The following CDC73 variants were observed in gnomAD, a reference collection of about 807,000 sequenced individuals.
CDC73 encodes the protein parafibromin.
Under a neutral mutation model 83.7 loss-of-function variants are expected in CDC73, and 21 were observed. That is an observed-to-expected ratio of 0.25 (90% CI 0.18 to 0.36). The LOEUF (loss-of-function observed/expected upper bound fraction) is 0.36. Ranked by LOEUF, CDC73 falls within the 10% of genes least tolerant of loss-of-function variation. CDC73 has a pLI of 1.00. For missense variants in CDC73, 342 were observed against 653.3 expected (o/e 0.52, Z 5.19); for synonymous variants, 224 against 212.9 (o/e 1.05, Z -0.45).
intron 10 of CDC73, among the ~76,000 whole-genome samples, chr1:193,174,089 T>C (rs953193916): frequency 2.2e-4 from 33 of 152,082 alleles, no homozygotes; most frequent in Non-Finnish European, 3.5e-4. Flanking sequence ...CTGAATTCTA[T>C]CCACAATTCC....
In CDC73 at chr1:193,252,619, G is replaced by A. The variant is rs769354344; in HGVS notation, c.*1907G>A. On this transcript the variant is annotated 3_prime_UTR_variant, in exon 17 of 17. Coordinates refer to ENST00000367435, the MANE Select transcript of CDC73 (RefSeq NM_024529.5). ...AGGAACATTAGGAAAAGGACAAATA[G>A]GCTATAACCATCTATCTTAAAATCA... 4.3e-6 allele frequency: 1 copy of A among 231,256 alleles called. No individual in the cohort carries two copies. The highest frequency in any genetic ancestry group is 2.2e-5 in the African/African-American group (1 of 45,228). The allele number at this position is 231,256 out of a possible 1,614,324, so 14.3% of individuals were successfully genotyped here.
chr1:193,137,283 A>G (rs1469809020), intron 5 of CDC73, among the ~76,000 whole-genome samples: 3 of 152,246 alleles, frequency 2.0e-5, no homozygotes. Flanking sequence ...TAAGATTTTT[A>G]CATGATAGAT....
intron 13 of CDC73, among the ~76,000 whole-genome samples, chr1:193,219,382 GA>G: frequency 6.6e-6 from 1 of 152,112 alleles, no homozygotes. Context: ...CCAGCAATCT[GA>G]TTACTGGATA....
chr1:193,131,005 C>T (rs1163873027), intron 3 of CDC73, among the ~76,000 whole-genome samples: 1 of 151,864 alleles, frequency 6.6e-6, no homozygotes, highest in Non-Finnish European at 1.5e-5. Flanking sequence ...TTCTTTTAAC[C>T]TGTATTCTCT....
intron 15 of CDC73, among the ~76,000 whole-genome samples, chr1:193,247,382 ATCTCTC>A (rs144859660): frequency 1.3e-5 from 2 of 149,498 alleles, no homozygotes; most frequent in South Asian, 4.2e-4. Flanking sequence ...TTAGTCCCTC[ATCTCTC>A]TCTCTCTCTC....
intron 15 of CDC73, among the ~76,000 whole-genome samples, chr1:193,248,540 G>A (rs1478190813): frequency 6.6e-6 from 1 of 152,046 alleles, no homozygotes; most frequent in Non-Finnish European, 1.5e-5. Context: ...TGATTCCTCT[G>A]ATGGATCAGG....
chr1:193,233,215 G>A, intron 14 of CDC73, 61 bp downstream of exon 14: 2 of 1,446,572 alleles, frequency 1.4e-6, no homozygotes, highest in Non-Finnish European at 1.9e-6. Flanking sequence ...AATGAATGTT[G>A]TTATTGCCGT....
chr1:193,157,285 T>C (rs1396314373), intron 10 of CDC73, among the ~76,000 whole-genome samples: 2 of 152,160 alleles, frequency 1.3e-5, no homozygotes, highest in Non-Finnish European at 2.9e-5. Context: ...TAAATGTTAG[T>C]GGATTATTAC....
intron 13 of CDC73, among the ~76,000 whole-genome samples, chr1:193,218,666 G>A (rs1324691838): frequency 6.6e-6 from 1 of 152,182 alleles, no homozygotes; most frequent in Non-Finnish European, 1.5e-5. Flanking sequence ...AGTGGGGAAA[G>A]TGCTCATTAT....
intron 14 of CDC73, 115 bp from the exon 15 acceptor site, chr1:193,236,141 T>C (rs111647710): frequency 1.3e-6 from 1 of 782,326 alleles, no homozygotes; most frequent in South Asian, 1.4e-5. Context: ...GATAAGACTC[T>C]TTCACATGAA....
intron 1 of CDC73, among the ~76,000 whole-genome samples, chr1:193,122,948 G>A (rs1675490215): frequency 6.6e-6 from 1 of 152,160 alleles, no homozygotes; most frequent in Admixed American, 6.5e-5. Context: ...ACAGATCTAA[G>A]AAATAGATGG....
chr1:193,233,530 C>T (rs1677698301), intron 14 of CDC73, among the ~76,000 whole-genome samples: 2 of 152,166 alleles, frequency 1.3e-5, no homozygotes, highest in South Asian at 4.1e-4. Flanking sequence ...AATAATTCCT[C>T]AATAACTTTA....
At chr1:193,151,284 G>T (rs1272112076) in intron 9 of CDC73, among the ~76,000 whole-genome samples, 2 of 152,134 alleles carry the variant, frequency 1.3e-5, no homozygotes, top group African/African-American at 4.8e-5. Flanking sequence ...TTTGTGTGCT[G>T]ACTTCATTCA....
At chr1:193,151,947 A>C (rs763492496) in intron 9 of CDC73, among the ~76,000 whole-genome samples, 1 of 152,248 alleles carries the variant, frequency 6.6e-6, no homozygotes, top group African/African-American at 2.4e-5. Context: ...GAAAAAATAT[A>C]TATGTATGTA....
chr1:193,133,777 C>T (rs1675737115), intron 3 of CDC73, among the ~76,000 whole-genome samples: 1 of 152,052 alleles, frequency 6.6e-6, no homozygotes. Flanking sequence ...GGTCCTGGAA[C>T]TTTATGCATA....
At chr1:193,135,339 C>A in intron 3 of CDC73, 52 bp from the exon 4 acceptor site, 1 of 1,349,216 alleles carries the variant, frequency 7.4e-7, no homozygotes, top group South Asian at 1.2e-5. Flanking sequence ...TAATAATATC[C>A]AATATATATG....
At chr1:193,249,671 T>C in intron 15 of CDC73, 59 bp from the exon 16 acceptor site, 1 of 1,372,286 alleles carries the variant, frequency 7.3e-7, no homozygotes, top group Non-Finnish European at 1.0e-6. Flanking sequence ...AATAAAGAAA[T>C]TTTTTTCTTT....
intron 10 of CDC73, 117 bp from the exon 11 acceptor site, chr1:193,203,678 A>C (rs571732740): frequency 1.2e-6 from 1 of 852,458 alleles, no homozygotes; most frequent in East Asian, 2.7e-5. Context: ...GGAGTAACCA[A>C]CTGAGTGAGA....
chr1:193,126,617 A>AT (rs1259203185), intron 2 of CDC73, among the ~76,000 whole-genome samples: 21 of 152,174 alleles, frequency 1.4e-4, no homozygotes, highest in Admixed American at 6.5e-4. Flanking sequence ...TGAACATAAA[A>AT]TTTTTTGAAG....
Sources: gnomAD v4.1 joint callset for allele counts (sites outside exome capture counted in the v4.1 genomes callset) on GRCh38, gnomAD v4.1.1 for gene constraint, MANE v1.5 for transcripts, NCBI Gene and HGNC (gene_info 2026-07-23, HGNC 2026-07-21) for gene names.